SNX31: variants seen among roughly 807,000 people sequenced by gnomAD.
SNX31 encodes sorting nexin-31.
SNX31 carries 58 observed loss-of-function variants against 65.4 expected under a neutral mutation model. That is an observed-to-expected ratio of 0.89 (90% CI 0.72 to 1.10). The LOEUF is 1.10. Ranked by LOEUF, SNX31 falls within the 50% of genes least tolerant of loss-of-function variation. The probability of loss-of-function intolerance (pLI) is 0.00; values close to 1 mark genes in which losing one functional copy is unlikely to be tolerated. For synonymous variants in SNX31, 181 were observed against 190.1 expected (o/e 0.95, Z 0.39); for missense variants, 523 against 529.7 (o/e 0.99, Z 0.12).
intron 12 of SNX31, among the ~76,000 whole-genome samples, chr8:100,580,188 A>C (rs1813376464): frequency 6.6e-6 from 1 of 151,672 alleles, no homozygotes; most frequent in Non-Finnish European, 1.5e-5. Context: ...CAGTCTTTTT[A>C]AGTCAGAAAA....
rs79387571 is a variant in SNX31 at position 100,589,471 on chromosome 8, T to C, written c.979-492A>G. On this transcript the variant is annotated intron_variant, in intron 10 of 13. Coordinates refer to ENST00000311812, the MANE Select transcript of SNX31 (RefSeq NM_152628.4). ...GGAAGGAAACACAGGTCTATGGAAG[T>C]AAATAGGAGGGGCACCTAACCCAGG... Among the ~76,000 whole-genome samples the C allele has an allele frequency of 8.1e-3, 1,231 of 152,120 alleles. 18 individuals carry two copies. Among genetic ancestry groups the C allele is most frequent in the African/African-American group, 0.028 (1,172 of 41,490 alleles).
At position 100,626,869 on chromosome 8, in the gene SNX31, T is replaced by C. The variant is rs1818074314; in HGVS notation, c.321+3458A>G. 1.3e-5 allele frequency among the ~76,000 whole-genome samples: 2 copies of C among 152,068 alleles called. No individual in the cohort carries two copies. Among genetic ancestry groups the C allele is most frequent in the African/African-American group, 4.8e-5 (2 of 41,406 alleles). ...ATAACAAAAGGATATAAAAGTGAGC[T>C]GGTAAAGTTCACGGAAGAAATGGAA... is the stretch of plus-strand genomic sequence containing the variant. On this transcript the variant is annotated intron_variant, in intron 4 of 13. Transcript: ENST00000311812. The surrounding 1 kb of genome is among the most constrained non-coding windows in gnomAD (Gnocchi z 4.4).
chr8:100,573,884 A>AT lies in SNX31; in HGVS notation c.1303dup (p.Ile435AsnfsTer14). The stretch of plus-strand genomic sequence containing the variant: ...CTTTCTTCAGAGATCTTCTTCCTTT[A>AT]TGTTCCCAAAAACGCAGTCATCTTT... On this transcript the variant is annotated frameshift_variant, in exon 14 of 14. Transcript: ENST00000311812. LOFTEE classifies it high-confidence loss of function. The AT allele has an allele frequency of 6.3e-7, 1 of 1,575,760 alleles. No individual in the cohort carries two copies. The highest frequency in any genetic ancestry group is 8.6e-7 in the Non-Finnish European group (1 of 1,161,810).
Position 100,581,029 on chromosome 8 carries a change from C to T in SNX31, c.1170+3082G>A, listed in dbSNP as rs184078427. Among the ~76,000 whole-genome samples, 331 of 150,764 alleles carry T rather than the reference C, an allele frequency of 2.2e-3. 1 individual carries two copies. The highest frequency in any genetic ancestry group is 8.0e-3 in the South Asian group (38 of 4,766). On this transcript the variant is annotated intron_variant, in intron 12 of 13. Transcript: ENST00000311812. ...TGCCTTTAAGGGCCAGGTACAGTGG[C>T]TCATGTCTGTTATCTCAGCAATTTG...
Position 100,573,865 on chromosome 8 carries a change from T to C in SNX31, c.1323A>G (p.Ter441TrpextTer17), listed in dbSNP as rs779507196. ...VFGNIKEEDL[*>W] ...ATATTTTAAAATATGAGAGCTTTCTTCAGAGATCTTCTTCCTTTATGTTCC... is the reference window on the plus strand; with the variant it reads ...ATATTTTAAAATATGAGAGCTTTCTCCAGAGATCTTCTTCCTTTATGTTCC... Residue 441 changes from the stop codon to tryptophan (W), a stop_lost, in exon 14 of 14, where the codon TGA becomes TGG. Coordinates refer to ENST00000311812, the MANE Select transcript of SNX31 (RefSeq NM_152628.4). The C allele has an allele frequency of 6.4e-7, 1 of 1,566,124 alleles. No individual in the cohort carries two copies. Among genetic ancestry groups the C allele is most frequent in the South Asian group, 1.2e-5 (1 of 85,232 alleles).
Position 100,594,163 on chromosome 8 carries a change from G to T in SNX31, c.978+2476C>A, listed in dbSNP as rs559638249. 6.6e-5 allele frequency among the ~76,000 whole-genome samples: 10 copies of T among 152,202 alleles called. No homozygotes were observed. Among genetic ancestry groups the T allele is most frequent in the Non-Finnish European group, 1.2e-4 (8 of 67,996 alleles). On this transcript the variant is annotated intron_variant, in intron 10 of 13. Transcript: ENST00000311812. The surrounding 1 kb of genome is among the most constrained non-coding windows in gnomAD (Gnocchi z 4.0). The stretch of plus-strand genomic sequence containing the variant: ...ACTAAAAATACAAAAAATTAGCCCT[G>T]CCTGGTGGTGCATGCCTGTAATCCC...
chr8:100,594,607 A>G lies in SNX31; in HGVS notation c.978+2032T>C. ...GTCACAATGAAATATCTTTACACAT[A>G]TATTAGAATGACTACAATAAAAAAA... On this transcript the variant is annotated intron_variant, in intron 10 of 13. Coordinates refer to ENST00000311812, the MANE Select transcript of SNX31 (RefSeq NM_152628.4). This position sits in a 1 kb window ranked among gnomAD's most constrained non-coding sequence, Gnocchi z 4.0. Among the ~76,000 whole-genome samples the G allele has an allele frequency of 6.6e-6, 1 of 152,368 alleles. No homozygotes were observed. Among genetic ancestry groups the G allele is most frequent in the African/African-American group, 2.4e-5 (1 of 41,590 alleles).
upstream of SNX31, chr8:100,649,769 C>T (rs1160440461): frequency 1.2e-5 from 5 of 422,676 alleles, no homozygotes; most frequent in South Asian, 5.8e-5. Context: ...GGGGCGCATC[C>T]ACGGCCACCC....
At chr8:100,641,565 A>AAAAAAAAAAAT (rs1554587369) in intron 2 of SNX31, among the ~76,000 whole-genome samples, 1 of 32,108 alleles carries the variant, frequency 3.1e-5, no homozygotes, top group Non-Finnish European at 5.3e-5. Context: ...AAAAAAAAAA[A>AAAAAAAAAAAT]ATATATATAT....
At chr8:100,628,874 T>G (rs189496110) in intron 4 of SNX31, among the ~76,000 whole-genome samples, 4 of 151,586 alleles carry the variant, frequency 2.6e-5, no homozygotes, top group African/African-American at 9.7e-5. Context: ...TAATGACATT[T>G]TGGTCAACAG....
intron 12 of SNX31, among the ~76,000 whole-genome samples, chr8:100,581,335 ATC>A (rs1474470458): frequency 2.2e-4 from 26 of 118,962 alleles, no homozygotes; most frequent in Admixed American, 5.5e-4. Flanking sequence ...CTATCTATCT[ATC>A]TATATATATA....
rs1817791218 is a variant in SNX31 at position 100,622,798 on chromosome 8, A to AGAGAATATTAAGGC, written c.322-5082_322-5069dup. Among the ~76,000 whole-genome samples the AGAGAATATTAAGGC allele has an allele frequency of 3.3e-5, 5 of 152,346 alleles. No individual in the cohort carries two copies. The South Asian group carries it at 1.0e-3, about 32-fold the overall frequency. ...ATACTTATCCTACAGATATGTAAGA[A>AGAGAATATTAAGGC]GAGAATATTAAGGCTAAAGCCTCCA... is the stretch of plus-strand genomic sequence containing the variant. On this transcript the variant is annotated intron_variant, in intron 4 of 13. Coordinates refer to ENST00000311812, the MANE Select transcript of SNX31 (RefSeq NM_152628.4). This position sits in a 1 kb window ranked among gnomAD's most constrained non-coding sequence, Gnocchi z 5.0.
At position 100,585,378 on chromosome 8, in the gene SNX31, T is replaced by C. The variant is rs562658660; in HGVS notation, c.1093-1190A>G. Among the ~76,000 whole-genome samples, 15 of 151,982 alleles carry C rather than the reference T, an allele frequency of 9.9e-5. No individual in the cohort carries two copies. The South Asian group carries it at 3.1e-3, about 32-fold the overall frequency. The stretch of plus-strand genomic sequence containing the variant: ...GCTGTGTTCAGGGGTGGTCACTGTG[T>C]TGGAGGGGAGGATGGAGAGGAGAAG... On this transcript the variant is annotated intron_variant, in intron 11 of 13. Transcript: ENST00000311812.
At chr8:100,598,966 CTTAAG>C (rs982400035) in intron 9 of SNX31, among the ~76,000 whole-genome samples, 12 of 152,296 alleles carry the variant, frequency 7.9e-5, no homozygotes, top group African/African-American at 2.4e-4. Context: ...ATGACTCTTT[CTTAAG>C]TTAATTTCAT....
intron 5 of SNX31, among the ~76,000 whole-genome samples, chr8:100,616,930 G>A (rs967738342): frequency 6.6e-6 from 1 of 152,136 alleles, no homozygotes; most frequent in Non-Finnish European, 1.5e-5. Context: ...TTTCTCTGGA[G>A]GATTAGAGCT....
At position 100,614,645 on chromosome 8, in the gene SNX31, C is replaced by T. The variant is rs914354103; in HGVS notation, c.433-1560G>A. 5.3e-5 allele frequency among the ~76,000 whole-genome samples: 8 copies of T among 151,998 alleles called. No individual in the cohort carries two copies. The highest frequency in any genetic ancestry group is 1.2e-4 in the African/African-American group (5 of 41,356). ...ATCCCAGCACTTTGGAAGGCTGAGG[C>T]GGGTTGATCACCTAAGGTCAGGAGT... On this transcript the variant is annotated intron_variant, in intron 5 of 13. Coordinates refer to ENST00000311812, the MANE Select transcript of SNX31 (RefSeq NM_152628.4). This position sits in a 1 kb window ranked among gnomAD's most constrained non-coding sequence, Gnocchi z 5.1.
chr8:100,650,145 C>T (rs1819919350), upstream of SNX31, among the ~76,000 whole-genome samples: 1 of 152,206 alleles, frequency 6.6e-6, no homozygotes, highest in Admixed American at 6.5e-5. Context: ...CACATAAACA[C>T]TTGGTTCTCT....
At chr8:100,590,661 A>G (rs1814486596) in intron 10 of SNX31, among the ~76,000 whole-genome samples, 1 of 152,126 alleles carries the variant, frequency 6.6e-6, no homozygotes, top group Non-Finnish European at 1.5e-5. Flanking sequence ...TGGTGCCTGT[A>G]ATCCCAGCTA....
chr8:100,645,417 C>A (rs954154438), intron 2 of SNX31, among the ~76,000 whole-genome samples: 1 of 152,128 alleles, frequency 6.6e-6, no homozygotes, highest in Non-Finnish European at 1.5e-5. Flanking sequence ...GGAGAGGTCA[C>A]CCAAACTTTC....
Sources: allele counts gnomAD v4.1 joint callset (sites outside exome capture counted in the v4.1 genomes callset), GRCh38; gene constraint gnomAD v4.1.1; non-coding constraint Gnocchi (gnomAD v3.1); transcripts MANE v1.5; gene names NCBI Gene and HGNC (gene_info 2026-07-23, HGNC 2026-07-21).